PIP5K1A: variants seen among roughly 807,000 people sequenced by gnomAD.
PIP5K1A encodes phosphatidylinositol-4-phosphate 5-kinase type 1 alpha, also known as phosphatidylinositol 4-phosphate 5-kinase type-1 alpha.
PIP5K1A carries 46 observed loss-of-function variants against 72.9 expected under a neutral mutation model. The ratio of observed to expected loss-of-function variants is 0.63; its 90% CI spans 0.50 to 0.81. PIP5K1A has a LOEUF of 0.81. Among genes scored for constraint, PIP5K1A ranks in the 30% least tolerant of loss-of-function variants. PIP5K1A has a pLI of 0.00. For missense variants in PIP5K1A, 458 were observed against 706.1 expected, an observed-to-expected ratio of 0.65 and a Z score of 3.98; for synonymous variants, 228 against 255.1, an observed-to-expected ratio of 0.89 and a Z score of 1.01.
intron 1 of PIP5K1A, among the ~76,000 whole-genome samples, chr1:151,209,830 C>T (rs952056815): frequency 6.6e-6 from 1 of 151,994 alleles, no homozygotes; most frequent in African/African-American, 2.4e-5. Context: ...CCTCAGCCTT[C>T]CAAAATGCTG....
intron 4 of PIP5K1A, among the ~76,000 whole-genome samples, chr1:151,228,804 T>A (rs1056285779): frequency 2.0e-5 from 3 of 152,170 alleles, no homozygotes; most frequent in African/African-American, 7.2e-5. Context: ...AGAGGTGGAC[T>A]GACTCATTCT....
intron 4 of PIP5K1A, among the ~76,000 whole-genome samples, chr1:151,229,179 A>AC (rs1689633539): frequency 6.8e-6 from 1 of 146,458 alleles, no homozygotes; most frequent in East Asian, 2.0e-4. Flanking sequence ...AAAAAAAAAA[A>AC]AAAAAAAAAA....
At chr1:151,241,500 G>A (rs1470035906) in intron 12 of PIP5K1A, among the ~76,000 whole-genome samples, 2 of 150,972 alleles carry the variant, frequency 1.3e-5, no homozygotes, top group African/African-American at 2.4e-5. Context: ...CAAGACTCTC[G>A]TCAAAGAAAA....
Position 151,238,260 on chromosome 1 carries a change from T to G in PIP5K1A, c.1224T>G (p.Ser408=). Residue 408 remains serine, a synonymous_variant, in exon 10 of 16, where the codon TCT becomes TCG. Coordinates refer to ENST00000368888, the MANE Select transcript of PIP5K1A (RefSeq NM_001135638.2). Reference sequence around the variant, plus strand: ...TTGGCATCATTGACATTCTACAGTCTTACAGGTGAGGAGCATATGGATCCC... The same window carrying G: ...TTGGCATCATTGACATTCTACAGTCGTACAGGTGAGGAGCATATGGATCCC... ...LYIGIIDILQ[S]YRFVKKLEHS... is the part of the protein sequence containing the mutation. 1 of 1,600,944 alleles carries G rather than the reference T, an allele frequency of 6.2e-7. No individual in the cohort carries two copies. The highest frequency in any genetic ancestry group is 8.6e-7 in the Non-Finnish European group (1 of 1,167,994).
At chr1:151,212,185 G>T (rs909890518) in intron 1 of PIP5K1A, among the ~76,000 whole-genome samples, 1 of 152,208 alleles carries the variant, frequency 6.6e-6, no homozygotes, top group East Asian at 1.9e-4. Flanking sequence ...TGGTGCGGTA[G>T]CTTAACGCCT....
intron 3 of PIP5K1A, among the ~76,000 whole-genome samples, chr1:151,225,316 A>C (rs587724580): frequency 2.6e-4 from 40 of 152,262 alleles, no homozygotes; most frequent in Admixed American, 2.1e-3. Context: ...TCAAAAAAAA[A>C]CTGTGATACC....
Position 151,210,284 on chromosome 1 carries a change from C to G in PIP5K1A, c.85+11203C>G, listed in dbSNP as rs139500505. Among the ~76,000 whole-genome samples, 203 of 147,928 alleles carry G rather than the reference C, an allele frequency of 1.4e-3. 2 individuals carry two copies. Among genetic ancestry groups the G allele is most frequent in the African/African-American group, 4.9e-3 (196 of 40,412 alleles). On this transcript the variant is annotated intron_variant, in intron 1 of 15. Transcript: ENST00000368888. ...GATGATAGCTCACTGTAGCCTCAAA[C>G]TCCTGGGCTGAAGTGATCCTCCCAC... is the stretch of plus-strand genomic sequence containing the variant.
intron 6 of PIP5K1A, 31 bp from the exon 7 acceptor site, chr1:151,232,520 A>C (rs767988316): frequency 1.3e-6 from 2 of 1,589,190 alleles, no homozygotes; most frequent in Non-Finnish European, 1.7e-6. Flanking sequence ...TGATGTGTCT[A>C]AATCTCTTAG....
chr1:151,232,975 C>CT (rs1238851820), intron 7 of PIP5K1A, among the ~76,000 whole-genome samples: 1 of 151,706 alleles, frequency 6.6e-6, no homozygotes, highest in Non-Finnish European at 1.5e-5. Flanking sequence ...TAGCGGGCGC[C>CT]TGTAGTCCCA....
intron 12 of PIP5K1A, 62 bp from the exon 13 acceptor site, chr1:151,242,057 GTATC>G (rs1691810349): frequency 1.3e-6 from 2 of 1,526,322 alleles, no homozygotes; most frequent in African/African-American, 2.7e-5. Context: ...GCAATTATTT[GTATC>G]TATGTCTTGG....
intron 1 of PIP5K1A, among the ~76,000 whole-genome samples, chr1:151,217,022 C>T (rs587675802): frequency 6.2e-5 from 9 of 145,772 alleles, no homozygotes; most frequent in East Asian, 4.1e-4. Context: ...AAGCAATTCT[C>T]GTGCCTTAGC....
chr1:151,238,842 T>A (rs1352410488), intron 10 of PIP5K1A, among the ~76,000 whole-genome samples: 3 of 152,192 alleles, frequency 2.0e-5, no homozygotes, highest in Non-Finnish European at 2.9e-5. Context: ...ATCTGTTCCT[T>A]CAGCTCTCCT....
At chr1:151,204,369 G>A (rs1377898229) in intron 1 of PIP5K1A, among the ~76,000 whole-genome samples, 2 of 152,134 alleles carry the variant, frequency 1.3e-5, no homozygotes, top group African/African-American at 2.4e-5. Context: ...TAGAGACGGG[G>A]TTTCGCCATG....
At chr1:151,219,280 C>T (rs587773981) in intron 1 of PIP5K1A, among the ~76,000 whole-genome samples, 1 of 151,260 alleles carries the variant, frequency 6.6e-6, no homozygotes, top group South Asian at 2.1e-4. Context: ...ACTCGGGAGG[C>T]TGAGACAGGA....
At chr1:151,207,705 T>A (rs1414448809) in intron 1 of PIP5K1A, among the ~76,000 whole-genome samples, 2 of 151,592 alleles carry the variant, frequency 1.3e-5, no homozygotes, top group African/African-American at 4.9e-5. Context: ...CTAATTTTTG[T>A]ATTTTTAGCA....
Position 151,232,674 on chromosome 1 carries a change from C to T in PIP5K1A, c.610C>T (p.Leu204=), listed in dbSNP as rs148159537. 4 of 1,613,826 alleles carry T rather than the reference C, an allele frequency of 2.5e-6. No homozygotes were observed. In the African/African-American group the frequency reaches 5.3e-5, roughly 22 times the overall value. ...AGTCCAACATAAAGAGGCGGAATTT[C>T]TGCAGAAGCTGCTTCCAGGATACTA... ...KTVQHKEAEF[L]QKLLPGYYMN... The change falls in exon 7 of 16, where the codon CTG becomes TTG. Residue 204 remains leucine (L), a synonymous_variant. Transcript: ENST00000368888.
chr1:151,199,021 T>A lies in PIP5K1A; in HGVS notation c.25T>A (p.Ser9Thr). 1 of 1,614,184 alleles carries A rather than the reference T, an allele frequency of 6.2e-7. No homozygotes were observed. ...GATGGCGTCGGCCTCCTCCGGGCCG[T>A]CGTCTTCGGTCGGTTTTTCATCCTT... MASASSGP[S>T]SSVGFSSFDP... The change falls in exon 1 of 16, where the codon TCG becomes ACG. Residue 9 changes from serine to threonine, a missense_variant. Transcript: ENST00000368888.
Position 151,200,007 on chromosome 1 carries a change from C to G in PIP5K1A, c.85+926C>G, listed in dbSNP as rs956625370. ...CTCAGACTAATTCCTTTGGTGATTC[C>G]CAACTCTAAACTGCCCAACTTTGGG... is the stretch of plus-strand genomic sequence containing the variant. On this transcript the variant is annotated intron_variant, in intron 1 of 15. Coordinates refer to ENST00000368888, the MANE Select transcript of PIP5K1A (RefSeq NM_001135638.2). Among the ~76,000 whole-genome samples, 3 of 152,132 alleles carry G rather than the reference C, an allele frequency of 2.0e-5. 1 individual carries two copies.
chr1:151,230,801 A>G (rs1199937105), intron 4 of PIP5K1A, among the ~76,000 whole-genome samples: 1 of 152,170 alleles, frequency 6.6e-6, no homozygotes, highest in African/African-American at 2.4e-5. Context: ...CAGTCTCCCA[A>G]AGTGCTTGGA....
Sources: allele counts gnomAD v4.1 joint callset (sites outside exome capture counted in the v4.1 genomes callset), GRCh38; gene constraint gnomAD v4.1.1; transcripts MANE v1.5; gene names NCBI Gene and HGNC (gene_info 2026-07-23, HGNC 2026-07-21).